TMEM232: variants seen among roughly 807,000 people sequenced by gnomAD.
TMEM232 encodes transmembrane protein 232.
TMEM232 carries 80 observed loss-of-function variants against 78.8 expected under a neutral mutation model. The ratio of observed to expected loss-of-function variants is 1.01; its 90% CI spans 0.85 to 1.22. The LOEUF is 1.22. Ranked by LOEUF, TMEM232 falls within the 50% of genes most tolerant of loss-of-function variation. TMEM232 has a pLI of 0.00. For missense variants in TMEM232, 881 were observed against 742.2 expected (o/e 1.19, Z -2.17); for synonymous variants, 297 against 254.3 (o/e 1.17, Z -1.60).
chr5:110,514,527 G>C lies in TMEM232; in HGVS notation c.1703+14061C>G, dbSNP rs570349419. The stretch of plus-strand genomic sequence containing the variant: ...TTCTATATCCTCAGGACAAAGCTTA[G>C]AGCAATGTATAGCTTTTTAATTTTT... On this transcript the variant is annotated intron_variant, in intron 12 of 13. Transcript: ENST00000455884. Among the ~76,000 whole-genome samples, 4 of 151,982 alleles carry C rather than the reference G, an allele frequency of 2.6e-5. No homozygotes were observed. In the South Asian group the frequency reaches 8.3e-4, roughly 32 times the overall value.
chr5:110,693,561 G>A (rs1336809273), intron 1 of TMEM232, among the ~76,000 whole-genome samples: 2 of 152,102 alleles, frequency 1.3e-5, no homozygotes, highest in East Asian at 1.9e-4. Context: ...CCTGAAAAAC[G>A]ATTAGATGAA....
chr5:110,544,675 T>C (rs1450378495), intron 11 of TMEM232, among the ~76,000 whole-genome samples: 1 of 152,184 alleles, frequency 6.6e-6, no homozygotes, highest in East Asian at 1.9e-4. Flanking sequence ...CTTGCTGAGA[T>C]ATTTAACTTG....
chr5:110,667,383 G>T lies in TMEM232; in HGVS notation c.-12-19C>A. The T allele has an allele frequency of 1.4e-6, 2 of 1,468,874 alleles. No homozygotes were observed. Among genetic ancestry groups the T allele is most frequent in the Non-Finnish European group, 9.1e-7 (1 of 1,102,842 alleles). 91.0% of individuals were successfully genotyped at this position (1,468,874 alleles called of 1,614,324 possible). ...ATAAATTCTAAAAGGAATATTAAATGTATGTTAGCATACAAATGCACTCAT... is the reference window on the plus strand; with the variant it reads ...ATAAATTCTAAAAGGAATATTAAATTTATGTTAGCATACAAATGCACTCAT... On this transcript the variant is annotated intron_variant, in intron 1 of 13. Coordinates refer to ENST00000455884, the MANE Select transcript of TMEM232 (RefSeq NM_001039763.4).
chr5:110,606,052 T>C, intron 9 of TMEM232, 112 bp downstream of exon 9: 1 of 935,920 alleles, frequency 1.1e-6, no homozygotes, highest in Non-Finnish European at 1.4e-6. Flanking sequence ...AAATTTATTA[T>C]TATAAAGTTA....
At chr5:110,687,368 A>G (rs1335438407) in intron 1 of TMEM232, among the ~76,000 whole-genome samples, 1 of 152,046 alleles carries the variant, frequency 6.6e-6, no homozygotes, top group East Asian at 1.9e-4. Flanking sequence ...GCAGTCCTCA[A>G]ATCTGACCCA....
At chr5:110,438,100 TGGGGACACCAA>T (rs1758629958) in intron 12 of TMEM232, among the ~76,000 whole-genome samples, 1 of 152,114 alleles carries the variant, frequency 6.6e-6, no homozygotes, top group South Asian at 2.1e-4. Context: ...CCTCACAGGC[TGGGGACACCAA>T]GGAACTTGAT....
At chr5:110,734,419 G>C (rs543329234) in intron 2 of TMEM232, among the ~76,000 whole-genome samples, 1 of 152,268 alleles carries the variant, frequency 6.6e-6, no homozygotes, top group African/African-American at 2.4e-5. Flanking sequence ...TCTGCCCAAG[G>C]ATATCACTCT....
At chr5:110,557,294 A>T (rs1173612867) in intron 11 of TMEM232, among the ~76,000 whole-genome samples, 1 of 151,978 alleles carries the variant, frequency 6.6e-6, no homozygotes, top group Admixed American at 6.6e-5. Context: ...AATTCCTTAG[A>T]TTTCTTAGAT....
intron 1 of TMEM232, among the ~76,000 whole-genome samples, chr5:110,704,497 T>A (rs1466158607): frequency 6.6e-6 from 1 of 152,156 alleles, no homozygotes; most frequent in Admixed American, 6.6e-5. Flanking sequence ...TCAATTTTTT[T>A]AACATATACC....
At chr5:110,395,793 T>C (rs1755362829) in intron 3 of TMEM232, among the ~76,000 whole-genome samples, 1 of 152,170 alleles carries the variant, frequency 6.6e-6, no homozygotes, top group Non-Finnish European at 1.5e-5. Flanking sequence ...TATACGTACA[T>C]GGGAGTTGTC....
intron 12 of TMEM232, among the ~76,000 whole-genome samples, chr5:110,496,129 A>C (rs1190090953): frequency 6.6e-6 from 1 of 151,968 alleles, no homozygotes. Flanking sequence ...AGGTTTTGTT[A>C]ATGAATTTTA....
In TMEM232 at chr5:110,647,723, T is replaced by C. The variant is rs1327737025; in HGVS notation, c.126-5352A>G. Among the ~76,000 whole-genome samples, 7 of 152,082 alleles carry C rather than the reference T, an allele frequency of 4.6e-5. No homozygotes were observed. In the East Asian group the frequency reaches 1.4e-3, roughly 29 times the overall value. On this transcript the variant is annotated intron_variant, in intron 2 of 13. Coordinates refer to ENST00000455884, the MANE Select transcript of TMEM232 (RefSeq NM_001039763.4). ...GTACTTCAACAAATCCAATAATTCC[T>C]TTATTGATTGACATTTCACATTACT...
intron 12 of TMEM232, among the ~76,000 whole-genome samples, chr5:110,502,577 C>G (rs1214690398): frequency 2.0e-5 from 3 of 152,176 alleles, no homozygotes; most frequent in Non-Finnish European, 4.4e-5. Flanking sequence ...TTAAAACCCT[C>G]CAGTGACTTC....
chr5:110,727,511 A>G (rs111506915), upstream of TMEM232, among the ~76,000 whole-genome samples: 6,428 of 152,222 alleles, frequency 0.042, 445 homozygotes, highest in African/African-American at 0.15. Flanking sequence ...CAGGAGGCTG[A>G]GGCAGGAGAA....
intron 2 of TMEM232, among the ~76,000 whole-genome samples, chr5:110,407,755 A>G (rs1580568748): frequency 6.6e-6 from 1 of 152,186 alleles, no homozygotes; most frequent in African/African-American, 2.4e-5. Flanking sequence ...AACATTTTCC[A>G]GAAGAGACCA....
intron 2 of TMEM232, among the ~76,000 whole-genome samples, chr5:110,656,965 A>C (rs1027531201): frequency 1.2e-4 from 19 of 152,326 alleles, no homozygotes; most frequent in Admixed American, 2.0e-4. Context: ...TTATGGGATA[A>C]AATGTGATGT....
chr5:110,426,519 A>G (rs1175494821), intron 12 of TMEM232, among the ~76,000 whole-genome samples: 1 of 152,078 alleles, frequency 6.6e-6, no homozygotes, highest in Non-Finnish European at 1.5e-5. Flanking sequence ...GTGGAGTAGT[A>G]TCCAGTATTG....
chr5:110,600,685 A>G (rs1307430582), intron 10 of TMEM232, among the ~76,000 whole-genome samples: 1 of 152,170 alleles, frequency 6.6e-6, no homozygotes, highest in Non-Finnish European at 1.5e-5. Flanking sequence ...CCAACCAAAA[A>G]AAAAGACCAG....
intron 10 of TMEM232, among the ~76,000 whole-genome samples, chr5:110,575,469 T>C (rs1192907081): frequency 2.0e-5 from 3 of 152,054 alleles, no homozygotes; most frequent in African/African-American, 7.2e-5. Context: ...TTCATGATCT[T>C]TTCTAATTGT....
Sources: gnomAD v4.1 joint callset for allele counts (sites outside exome capture counted in the v4.1 genomes callset) on GRCh38, gnomAD v4.1.1 for gene constraint, MANE v1.5 for transcripts, NCBI Gene and HGNC (gene_info 2026-07-23, HGNC 2026-07-21) for gene names.